Variants in GSN observed in about 807,000 individuals in gnomAD.
GSN encodes the protein gelsolin, also known as actin-depolymerizing factor.
A neutral mutation model predicts 85.7 loss-of-function variants in GSN; 56 were observed. The observed-to-expected ratio is 0.65, with a 90% CI of 0.53 to 0.82. The LOEUF (loss-of-function observed/expected upper bound fraction) is 0.82. GSN is among the 40% of genes least tolerant of loss of function. The pLI is 0.00. For synonymous variants in GSN, 373 were observed against 399.1 expected (o/e 0.93, Z 0.78); for missense variants, 857 against 979.8 (o/e 0.87, Z 1.67).
chr9:121,319,927 A>G (rs1305204796), intron 10 of GSN, among the ~76,000 whole-genome samples: 1 of 152,154 alleles, frequency 6.6e-6, no homozygotes, highest in Admixed American at 6.5e-5. Context: ...AATGATAGGA[A>G]TAACAAAGTG....
intron 4 of GSN, chr9:121,308,397 TTGGCTGGCACAGTGGCTCA>T (rs1431315148): frequency 6.6e-6 from 1 of 152,304 alleles, no homozygotes; most frequent in East Asian, 1.9e-4. Context: ...AAACCTGATA[TTGGCTGGCACAGTGGCTCA>T]TGCCTGTAAT....
At chr9:121,251,940 G>A (rs1375738191) in intron 6 of GSN, among the ~76,000 whole-genome samples, 2 of 152,092 alleles carry the variant, frequency 1.3e-5, no homozygotes, top group East Asian at 3.9e-4. Context: ...CAGCCTGGGC[G>A]ACAAGAGCAA....
intron 5 of GSN, among the ~76,000 whole-genome samples, chr9:121,242,321 A>T (rs10818517): frequency 0.38 from 57,271 of 152,054 alleles, 13,462 homozygotes; most frequent in East Asian, 0.62. Flanking sequence ...AACAGAAAAG[A>T]TTCCCTTAAT....
chr9:121,205,230 G>C (rs1243408460), upstream of GSN, among the ~76,000 whole-genome samples: 2 of 152,216 alleles, frequency 1.3e-5, no homozygotes, highest in African/African-American at 4.8e-5. Flanking sequence ...TCTGTGGAAA[G>C]AAAGATTGGA....
chr9:121,239,570 T>C (rs1162800684), intron 5 of GSN: 1 of 279,822 alleles, frequency 3.6e-6, no homozygotes, highest in East Asian at 1.0e-4. Context: ...AAAAATTTTC[T>C]GCCCCGGCAA....
chr9:121,216,408 C>T (rs2054064852), intron 4 of GSN, among the ~76,000 whole-genome samples: 2 of 152,232 alleles, frequency 1.3e-5, no homozygotes, highest in Admixed American at 1.3e-4. Context: ...AGCTACGTCT[C>T]CACCACTTCC....
At chr9:121,270,419 A>G (rs1257294622) in intron 1 of GSN, among the ~76,000 whole-genome samples, 2 of 152,146 alleles carry the variant, frequency 1.3e-5, no homozygotes, top group Non-Finnish European at 2.9e-5. Context: ...TGCATGATTC[A>G]AGTGAAGTAG....
chr9:121,214,472 T>C (rs1366609349), intron 4 of GSN, among the ~76,000 whole-genome samples: 1 of 152,160 alleles, frequency 6.6e-6, no homozygotes, highest in Non-Finnish European at 1.5e-5. Context: ...TGGCACAACA[T>C]ATATAATAAA....
At chr9:121,208,731 G>T (rs1242548487) in intron 1 of GSN, among the ~76,000 whole-genome samples, 1 of 152,266 alleles carries the variant, frequency 6.6e-6, no homozygotes, top group African/African-American at 2.4e-5. Context: ...GGGATGCAGA[G>T]AAATTTAGTC....
chr9:121,301,319 C>T (rs1202931891), intron 2 of GSN, among the ~76,000 whole-genome samples: 1 of 152,142 alleles, frequency 6.6e-6, no homozygotes, highest in African/African-American at 2.4e-5. Flanking sequence ...GTTATCACAT[C>T]CAATTGGCAA....
chr9:121,290,652 A>G (rs1476964495), intron 2 of GSN, among the ~76,000 whole-genome samples: 1 of 152,238 alleles, frequency 6.6e-6, no homozygotes, highest in Non-Finnish European at 1.5e-5. Context: ...GAACATATTC[A>G]TCATCTCAGC....
At chr9:121,304,792 A>G (rs1290050066) in intron 4 of GSN, among the ~76,000 whole-genome samples, 3 of 152,128 alleles carry the variant, frequency 2.0e-5, no homozygotes, top group African/African-American at 7.2e-5. Context: ...ACTATATTCA[A>G]ACCAGGATTG....
At chr9:121,252,961 A>T (rs2054871188) in intron 6 of GSN, among the ~76,000 whole-genome samples, 1 of 152,184 alleles carries the variant, frequency 6.6e-6, no homozygotes, top group Non-Finnish European at 1.5e-5. Context: ...AAAGACATTT[A>T]TTTCTCACAG....
rs1033477229 is a variant in GSN at position 121,301,800 on chromosome 9, G to C, written c.-9-163G>C. ...AAACTCTTGCCCTGTTTGCTGACTC[G>C]TTGAGACAGGGTGCCCAGAAGGGGA... On this transcript the variant is annotated intron_variant, in intron 2 of 17. Coordinates refer to ENST00000432226, the MANE Select transcript of GSN (RefSeq NM_198252.3). 6.4e-6 allele frequency: 7 copies of C among 1,094,384 alleles called. No individual in the cohort carries two copies. In the African/African-American group the frequency reaches 9.3e-5, roughly 15 times the overall value. The allele number at this position is 1,094,384 out of a possible 1,614,324, so 67.8% of individuals were successfully genotyped here. A position where few individuals can be genotyped will look rare whatever the true frequency, so the allele number is the denominator to read the frequency against.
rs2064092456 is a variant in GSN, at chr9:121,332,699, A to T, written c.*96A>T. ...GAGCGAGCAGAGCAGCTCTGCTATG[A>T]GTGTGTGTGTGTGTGTGTGTTGTTT... On this transcript the variant is annotated 3_prime_UTR_variant, in exon 18 of 18. Transcript: ENST00000432226. This position sits in a 1 kb window ranked among gnomAD's most constrained non-coding sequence, Gnocchi z 4.8. The T allele has an allele frequency of 3.3e-5, 23 of 707,100 alleles. No homozygotes were observed. Among genetic ancestry groups the T allele is most frequent in the East Asian group, 6.2e-5 (2 of 32,302 alleles). The allele number at this position is 707,100 out of a possible 1,614,324, so 43.8% of individuals were successfully genotyped here.
intron 4 of GSN, among the ~76,000 whole-genome samples, chr9:121,307,536 C>T (rs2060543886): frequency 6.6e-6 from 1 of 152,126 alleles, no homozygotes; most frequent in Non-Finnish European, 1.5e-5. Context: ...GGATAGAACC[C>T]AGCACTGCCG....
intron 17 of GSN, chr9:121,331,768 A>G: frequency 3.6e-6 from 1 of 275,586 alleles, no homozygotes; most frequent in South Asian, 6.8e-5. Flanking sequence ...GATGTGGCAA[A>G]GCAGGCCAGG....
chr9:121,203,518 G>A (rs7036737), upstream of GSN: 19,371 of 152,320 alleles, frequency 0.13, 1,327 homozygotes, highest in East Asian at 0.18. Flanking sequence ...GTGCCTAATG[G>A]ATAAGGTGGC....
rs529927424 is a variant in GSN, at chr9:121,329,056, G to A, written c.1887+41G>A. 1.0e-4 allele frequency: 164 copies of A among 1,610,074 alleles called. 1 individual carries two copies. The East Asian group carries it at 3.5e-3, about 34-fold the overall frequency. On this transcript the variant is annotated intron_variant, in intron 15 of 17. Transcript: ENST00000432226. This position sits in a 1 kb window ranked among gnomAD's most constrained non-coding sequence, Gnocchi z 4.6. ...GGTCACACCTCTGCTTTCCCCTCGG[G>A]AGGCGAGTTCCACAGGACTGGCCGG...
Sources: gnomAD v4.1 joint callset for allele counts (sites outside exome capture counted in the v4.1 genomes callset) on GRCh38, gnomAD v4.1.1 for gene constraint, Gnocchi (gnomAD v3.1) non-coding constraint, MANE v1.5 for transcripts, NCBI Gene and HGNC (gene_info 2026-07-23, HGNC 2026-07-21) for gene names.